Variants in NHSL2 observed in about 807,000 individuals in gnomAD.
The protein encoded by NHSL2 is NHS-like protein 2.
A neutral mutation model predicts 53.4 loss-of-function variants in NHSL2; 27 were observed. That is an observed-to-expected ratio of 0.51 (90% CI 0.37 to 0.70). The LOEUF (loss-of-function observed/expected upper bound fraction) is 0.70. Ranked by LOEUF, NHSL2 falls within the 30% of genes least tolerant of loss-of-function variation. The pLI is 0.00. For synonymous variants in NHSL2, 408 were observed against 404.1 expected, an observed-to-expected ratio of 1.01 and a Z score of -0.12; for missense variants, 892 against 980.1, an observed-to-expected ratio of 0.91 and a Z score of 1.20.
intron 1 of NHSL2, among the ~76,000 whole-genome samples, chrX:71,963,981 A>ATG (rs1569467035): frequency 3.1e-5 from 2 of 64,413 alleles, no homozygotes; most frequent in East Asian, 5.2e-4. Flanking sequence ...ATACATATAT[A>ATG]TATATATATA....
chrX:72,077,497 G>A (rs2041754671), intron 1 of NHSL2, among the ~76,000 whole-genome samples: 1 of 111,242 alleles, frequency 9.0e-6, no homozygotes, highest in South Asian at 3.8e-4. Flanking sequence ...AGAAACATGA[G>A]GTCTGTGTCA....
At chrX:71,975,153 C>T (rs775317579) in intron 1 of NHSL2, among the ~76,000 whole-genome samples, 56 of 111,840 alleles carry the variant, frequency 5.0e-4, no homozygotes, top group Non-Finnish European at 9.4e-4. Context: ...GGCGACACTC[C>T]GCTATTTGCC....
At chrX:72,105,698 C>T (rs904068895) in intron 1 of NHSL2, among the ~76,000 whole-genome samples, 3 of 111,774 alleles carry the variant, frequency 2.7e-5, no homozygotes, top group African/African-American at 9.8e-5. Context: ...GGTTACAGGT[C>T]TGCTCACAAG....
chrX:71,976,208 G>A (rs186244758), intron 1 of NHSL2, among the ~76,000 whole-genome samples: 123 of 112,069 alleles, frequency 1.1e-3, no homozygotes, highest in Admixed American at 3.1e-3. Flanking sequence ...TGTGGTGAAG[G>A]GCTTGTACTC....
chrX:72,011,650 A>G (rs1193169409), intron 1 of NHSL2, among the ~76,000 whole-genome samples: 1 of 110,897 alleles, frequency 9.0e-6, no homozygotes, highest in Non-Finnish European at 1.9e-5. Context: ...AGCCTGGATG[A>G]CAGAGCGAGA....
chrX:72,096,651 T>C (rs1049887051), intron 1 of NHSL2, among the ~76,000 whole-genome samples: 3 of 112,536 alleles, frequency 2.7e-5, no homozygotes, highest in East Asian at 2.8e-4. Context: ...ATACATGGGG[T>C]ATACAGATAA....
intron 1 of NHSL2, among the ~76,000 whole-genome samples, chrX:72,100,439 C>T (rs1173286179): frequency 8.9e-6 from 1 of 112,175 alleles, no homozygotes; most frequent in Non-Finnish European, 1.9e-5. Flanking sequence ...ATGGTATCAT[C>T]TAATGGGGCC....
At chrX:72,023,817 C>CT (rs2042171859) in intron 1 of NHSL2, among the ~76,000 whole-genome samples, 1 of 111,783 alleles carries the variant, frequency 8.9e-6, no homozygotes. Context: ...GGCAGGGAGG[C>CT]TGGTGGGGAG....
chrX:71,917,215 G>C (rs906933276), intron 1 of NHSL2, among the ~76,000 whole-genome samples: 7 of 109,071 alleles, frequency 6.4e-5, no homozygotes, highest in Non-Finnish European at 1.1e-4. Context: ...TGGGAGGTTT[G>C]AGCAATTAGG....
intron 1 of NHSL2, chrX:72,128,000 T>C (rs1270250594): frequency 8.9e-6 from 1 of 112,593 alleles, no homozygotes; most frequent in Non-Finnish European, 1.9e-5. Flanking sequence ...GGGGTTTTTG[T>C]CCTCATAGTT....
intron 1 of NHSL2, among the ~76,000 whole-genome samples, chrX:72,061,970 G>A (rs2042401616): frequency 1.8e-5 from 2 of 112,104 alleles, no homozygotes; most frequent in African/African-American, 6.5e-5. Context: ...GTCCTACCTT[G>A]ATTATTCGTG....
chrX:72,083,880 G>A (rs1336710278), intron 1 of NHSL2, among the ~76,000 whole-genome samples: 3 of 111,719 alleles, frequency 2.7e-5, no homozygotes, highest in Non-Finnish European at 5.6e-5. Flanking sequence ...GGCCCTGCAC[G>A]ATCTGTCTCT....
At chrX:72,109,689 G>A (rs1395495189) in intron 1 of NHSL2, among the ~76,000 whole-genome samples, 2 of 110,757 alleles carry the variant, frequency 1.8e-5, no homozygotes, top group African/African-American at 6.6e-5. Context: ...GGCTGGTCTC[G>A]AACTCCTGAC....
At chrX:72,122,990 G>A (rs752211757) in intron 1 of NHSL2, among the ~76,000 whole-genome samples, 1 of 112,738 alleles carries the variant, frequency 8.9e-6, no homozygotes, top group East Asian at 2.8e-4. Flanking sequence ...CTGCTCCCAA[G>A]TAGATCTCAA....
intron 1 of NHSL2, among the ~76,000 whole-genome samples, chrX:71,971,994 T>C (rs1358404664): frequency 8.9e-6 from 1 of 112,003 alleles, no homozygotes; most frequent in East Asian, 2.8e-4. Context: ...TAAGTGACAA[T>C]GGATTCACTT....
chrX:72,130,992 C>T (rs774652368), intron 1 of NHSL2: 2 of 1,209,065 alleles, frequency 1.7e-6, no homozygotes, highest in African/African-American at 3.5e-5. Flanking sequence ...GCTCGGCGCC[C>T]CCGGGGAAAT....
At chrX:72,008,268 G>A (rs1296281030) in intron 1 of NHSL2, among the ~76,000 whole-genome samples, 2 of 112,884 alleles carry the variant, frequency 1.8e-5, no homozygotes, top group African/African-American at 6.4e-5. Flanking sequence ...GTGGTTGGAC[G>A]TGTTCTGTCT....
intron 1 of NHSL2, among the ~76,000 whole-genome samples, chrX:72,074,285 C>T (rs1025528114): frequency 1.8e-5 from 2 of 112,653 alleles, no homozygotes; most frequent in Non-Finnish European, 3.7e-5. Context: ...GCTCTTTCAT[C>T]TTCACAAGTT....
chrX:72,106,166 G>A (rs1195256859), intron 1 of NHSL2, among the ~76,000 whole-genome samples: 3 of 110,187 alleles, frequency 2.7e-5, no homozygotes, highest in African/African-American at 9.9e-5. Flanking sequence ...AGCCGAGATC[G>A]CGCCACTGCA....
Sources: allele counts gnomAD v4.1 joint callset (sites outside exome capture counted in the v4.1 genomes callset), GRCh38; gene constraint gnomAD v4.1.1; transcripts MANE v1.5; gene names NCBI Gene and HGNC (gene_info 2026-07-23, HGNC 2026-07-21).